The following HERC2 variants were observed in gnomAD, a reference collection of about 807,000 sequenced individuals.
HERC2 encodes HECT and RLD domain containing E3 ubiquitin protein ligase 2.
A neutral mutation model predicts 537.7 loss-of-function variants in HERC2; 102 were observed. The ratio of observed to expected loss-of-function variants is 0.19; its 90% CI spans 0.16 to 0.22. HERC2 has a LOEUF of 0.22. HERC2 is among the 10% of genes least tolerant of loss of function. HERC2 has a pLI of 1.00. For missense variants in HERC2, 4,236 were observed against 6,198.2 expected (o/e 0.68, Z 10.63); for synonymous variants, 2,224 against 2,466.2 (o/e 0.90, Z 2.91).
intron 23 of HERC2, among the ~76,000 whole-genome samples, chr15:28,244,483 G>A (rs183845694): frequency 1.4e-4 from 21 of 152,270 alleles, no homozygotes; most frequent in East Asian, 5.8e-4. Flanking sequence ...AAATGAGTCC[G>A]AGTTTGGGAG....
chr15:28,231,274 T>C (rs1247517049), intron 30 of HERC2, among the ~76,000 whole-genome samples: 2 of 152,286 alleles, frequency 1.3e-5, no homozygotes, highest in Non-Finnish European at 2.9e-5. Context: ...GGAAGGTCTG[T>C]CCCTTCAGGA....
At chr15:28,153,914 C>G (rs1892720058) in intron 69 of HERC2, among the ~76,000 whole-genome samples, 1 of 152,108 alleles carries the variant, frequency 6.6e-6, no homozygotes, top group Non-Finnish European at 1.5e-5. Flanking sequence ...GCCGCTCAGG[C>G]CAGACAGAGA....
intron 23 of HERC2, among the ~76,000 whole-genome samples, chr15:28,239,594 G>A (rs926402657): frequency 5.5e-5 from 8 of 145,414 alleles, no homozygotes; most frequent in East Asian, 2.0e-4. Flanking sequence ...GAACTAAAGC[G>A]GGGAGCCACC....
At chr15:28,121,244 G>A (rs1888850884) in intron 86 of HERC2, 102 bp downstream of exon 86, 4 of 993,566 alleles carry the variant, frequency 4.0e-6, no homozygotes, top group Non-Finnish European at 6.4e-6. Flanking sequence ...AAGTTGGGGT[G>A]CACAGGATGG....
intron 4 of HERC2, among the ~76,000 whole-genome samples, chr15:28,281,782 C>T (rs1247186910): frequency 6.6e-6 from 1 of 152,216 alleles, no homozygotes; most frequent in Non-Finnish European, 1.5e-5. Flanking sequence ...CCCTGCCCTT[C>T]TCAGGGCATC....
intron 38 of HERC2, among the ~76,000 whole-genome samples, chr15:28,216,312 TA>T (rs897657637): frequency 1.2e-4 from 17 of 144,402 alleles, no homozygotes; most frequent in Non-Finnish European, 1.6e-4. Context: ...ACCACTTAAA[TA>T]TTTTTTTTTT....
chr15:28,168,344 T>C (rs1197212188), intron 67 of HERC2, 63 bp downstream of exon 67: 9 of 1,510,114 alleles, frequency 6.0e-6, no homozygotes, highest in South Asian at 1.2e-5. Context: ...AATGAGACTT[T>C]CCTAGACACA....
intron 23 of HERC2, among the ~76,000 whole-genome samples, chr15:28,244,851 C>T (rs568055098): frequency 6.6e-6 from 1 of 152,096 alleles, no homozygotes; most frequent in Non-Finnish European, 1.5e-5. Context: ...GTCTAAAACA[C>T]GAGAAGAAAA....
intron 2 of HERC2, among the ~76,000 whole-genome samples, chr15:28,305,481 A>C (rs9707939): frequency 7.9e-6 from 1 of 126,006 alleles, no homozygotes; most frequent in Non-Finnish European, 1.7e-5. Flanking sequence ...CCATATGTAG[A>C]AAGCTGAAAC....
At chr15:28,118,857 T>C (rs1488745699) in intron 86 of HERC2, among the ~76,000 whole-genome samples, 1 of 152,226 alleles carries the variant, frequency 6.6e-6, no homozygotes, top group Admixed American at 6.5e-5. Context: ...GGGAGGGGCA[T>C]GCTACCCTGA....
At chr15:28,152,525 T>C (rs2142343040) in intron 70 of HERC2, 152 bp downstream of exon 70, 1 of 678,312 alleles carries the variant, frequency 1.5e-6, no homozygotes, top group Non-Finnish European at 2.4e-6. Flanking sequence ...CAAAAGTAGT[T>C]TGTTAGAAAA....
chr15:28,282,640 A>T (rs915733567), intron 4 of HERC2, among the ~76,000 whole-genome samples: 1 of 152,230 alleles, frequency 6.6e-6, no homozygotes, highest in African/African-American at 2.4e-5. Context: ...CAGAAGAAAT[A>T]CATGCCCCCA....
chr15:28,194,717 A>C (rs918401746), intron 52 of HERC2, among the ~76,000 whole-genome samples: 12 of 152,218 alleles, frequency 7.9e-5, no homozygotes, highest in African/African-American at 2.9e-4. Context: ...GTGTGCATAA[A>C]AGAATGTCTT....
chr15:28,300,058 A>AG (rs1248226836), intron 2 of HERC2, among the ~76,000 whole-genome samples: 2 of 151,174 alleles, frequency 1.3e-5, no homozygotes, highest in Non-Finnish European at 2.9e-5. Context: ...GTGTTAAAAA[A>AG]AAAAAAAAAA....
chr15:28,238,546 G>A (rs1368018498), intron 24 of HERC2, 56 bp downstream of exon 24: 1 of 1,421,882 alleles, frequency 7.0e-7, no homozygotes, highest in Non-Finnish European at 9.8e-7. Flanking sequence ...CAAATACTCT[G>A]CTTAAAATGA....
chr15:28,245,075 A>G (rs1400146796), intron 23 of HERC2, among the ~76,000 whole-genome samples: 1 of 152,166 alleles, frequency 6.6e-6, no homozygotes, highest in East Asian at 1.9e-4. Context: ...GGAATTCTGC[A>G]TCTCACTAAC....
chr15:28,166,676 T>C (rs537509026), intron 68 of HERC2, among the ~76,000 whole-genome samples: 16 of 152,132 alleles, frequency 1.1e-4, no homozygotes, highest in African/African-American at 3.6e-4. Flanking sequence ...CATCAGACAA[T>C]GGAACCAGTC....
intron 78 of HERC2, among the ~76,000 whole-genome samples, chr15:28,138,550 T>A (rs1890882137): frequency 6.6e-6 from 1 of 152,024 alleles, no homozygotes; most frequent in Non-Finnish European, 1.5e-5. Flanking sequence ...CATGGTTCAC[T>A]GAATATTTTA....
At chr15:28,215,974 A>G (rs903409270) in intron 38 of HERC2, among the ~76,000 whole-genome samples, 172 bp from the exon 39 acceptor site, 5 of 152,138 alleles carry the variant, frequency 3.3e-5, no homozygotes, top group East Asian at 1.9e-4. Context: ...AGTGGAAGGC[A>G]GCTTTTAAGT....
Sources: gnomAD v4.1 joint callset for allele counts (sites outside exome capture counted in the v4.1 genomes callset) on GRCh38, gnomAD v4.1.1 for gene constraint, MANE v1.5 for transcripts, NCBI Gene and HGNC (gene_info 2026-07-23, HGNC 2026-07-21) for gene names.